TLN2: variants seen among roughly 807,000 people sequenced by gnomAD.
TLN2 encodes talin 2.
In TLN2, 118 loss-of-function variants were observed where a neutral mutation model predicts 294.7. The observed-to-expected ratio is 0.40, with a 90% CI of 0.34 to 0.47. The LOEUF is 0.47. Ranked by LOEUF, TLN2 falls within the 20% of genes least tolerant of loss-of-function variation. The pLI is 0.84. For synonymous variants in TLN2, 1,431 were observed against 1,304.5 expected (o/e 1.10, Z -2.09); for missense variants, 3,083 against 3,282.2 (o/e 0.94, Z 1.48).
intron 3 of TLN2, among the ~76,000 whole-genome samples, chr15:62,643,091 T>C (rs4491455): frequency 0.051 from 7,771 of 152,250 alleles, 638 homozygotes; most frequent in African/African-American, 0.18. Flanking sequence ...TTGTTGTGAG[T>C]GGTGCTAGAA....
At chr15:62,492,565 A>G (rs1031161170) in intron 1 of TLN2, among the ~76,000 whole-genome samples, 37 of 151,220 alleles carry the variant, frequency 2.4e-4, no homozygotes, top group Non-Finnish European at 4.7e-4. Flanking sequence ...AAAAAAGAAA[A>G]AAAGAAAAAA....
rs117233280 is a variant in TLN2 at position 62,583,199 on chromosome 15, G to C, written c.-237-6488G>C. 1.4e-4 allele frequency among the ~76,000 whole-genome samples: 22 copies of C among 152,282 alleles called. No individual in the cohort carries two copies. The East Asian group carries it at 2.5e-3, about 17-fold the overall frequency. On this transcript the variant is annotated intron_variant, in intron 1 of 58. Coordinates refer to ENST00000636159, the MANE Select transcript of TLN2 (RefSeq NM_015059.3). The stretch of plus-strand genomic sequence containing the variant: ...AATTTAATAGTATAGGATATTTCTT[G>C]ATACCCATATTCCATGGCCAGTTGC...
intron 49 of TLN2, 57 bp from the exon 50 acceptor site, chr15:62,800,596 G>A: frequency 6.2e-7 from 1 of 1,610,618 alleles, no homozygotes; most frequent in Non-Finnish European, 8.5e-7. Context: ...AGTAAAAGGA[G>A]TAGGGGCTGG....
In TLN2 at chr15:62,738,278, T is replaced by C. The variant is rs1293669649; in HGVS notation, c.3632T>C (p.Val1211Ala). The change falls in exon 30 of 59, where the codon GTG (valine) becomes GCG (alanine). Residue 1211 changes from valine to alanine, a missense_variant. By Grantham distance (64) the Val-to-Ala change is moderately conservative. Coordinates refer to ENST00000636159, the MANE Select transcript of TLN2 (RefSeq NM_015059.3). ...CVNCLPGQKDVDVALKSIGES... is the reference protein window; with the variant it reads ...CVNCLPGQKDADVALKSIGES... ...AATTGCCTCCCTGGGCAGAAGGATG[T>C]GGACGTGGCCTTGAAGAGCATCGGG... is the stretch of plus-strand genomic sequence containing the variant. 1.9e-6 allele frequency: 3 copies of C among 1,614,206 alleles called. No homozygotes were observed. Among genetic ancestry groups the C allele is most frequent in the Non-Finnish European group, 2.5e-6 (3 of 1,180,024 alleles).
At chr15:62,652,334 G>A (rs10851716) in intron 6 of TLN2, among the ~76,000 whole-genome samples, 200 bp downstream of exon 6, 3 of 151,976 alleles carry the variant, frequency 2.0e-5, no homozygotes, top group South Asian at 2.1e-4. Context: ...AAGTCACAAC[G>A]GAGGGCTTTC....
intron 9 of TLN2, chr15:62,658,195 A>AAC (rs2053435644): frequency 7.4e-6 from 2 of 269,752 alleles, no homozygotes; most frequent in Non-Finnish European, 1.4e-5. Flanking sequence ...CAAAAAAAAA[A>AAC]CCGCTCCAGT....
chr15:62,742,600 G>A (rs959884873), intron 32 of TLN2, among the ~76,000 whole-genome samples: 1 of 152,014 alleles, frequency 6.6e-6, no homozygotes, highest in Non-Finnish European at 1.5e-5. Flanking sequence ...CCCTGGTGGT[G>A]GCTTCGAAGA....
chr15:62,722,800 G>C (rs1382384034), intron 26 of TLN2, among the ~76,000 whole-genome samples: 1 of 152,198 alleles, frequency 6.6e-6, no homozygotes, highest in Non-Finnish European at 1.5e-5. Context: ...AGGGGAGAAT[G>C]GTAGTCATCA....
intron 2 of TLN2, among the ~76,000 whole-genome samples, chr15:62,604,759 G>A (rs1246188832): frequency 6.7e-6 from 1 of 150,196 alleles, no homozygotes; most frequent in East Asian, 2.0e-4. Flanking sequence ...CTCATATTAT[G>A]CGATAAGGGA....
intron 13 of TLN2, 151 bp from the exon 14 acceptor site, chr15:62,694,165 C>G (rs1483018945): frequency 1.8e-6 from 1 of 556,706 alleles, no homozygotes; most frequent in African/African-American, 1.9e-5. Context: ...TTATTAGAGA[C>G]GGGGTCTCAC....
At chr15:62,720,531 C>G (rs1034900617) in intron 25 of TLN2, among the ~76,000 whole-genome samples, 4 of 152,008 alleles carry the variant, frequency 2.6e-5, no homozygotes, top group Admixed American at 2.6e-4. Context: ...AGTTGTAGGA[C>G]CCAGTGATAC....
chr15:62,739,126 G>A (rs2140963525), intron 30 of TLN2, among the ~76,000 whole-genome samples: 1 of 152,284 alleles, frequency 6.6e-6, no homozygotes, highest in East Asian at 1.9e-4. Flanking sequence ...GATCCACAGT[G>A]TCTAGCACTG....
chr15:62,602,659 A>G (rs1393530551), intron 2 of TLN2, among the ~76,000 whole-genome samples: 2 of 151,734 alleles, frequency 1.3e-5, no homozygotes, highest in Non-Finnish European at 2.9e-5. Context: ...TGGTTTACAG[A>G]TGCAGCCGCC....
chr15:62,774,543 G>C (rs1435034238), intron 42 of TLN2, among the ~76,000 whole-genome samples: 1 of 152,186 alleles, frequency 6.6e-6, no homozygotes, highest in African/African-American at 2.4e-5. Flanking sequence ...CTTGCCTTTG[G>C]TGTTCAGAAG....
intron 1 of TLN2, among the ~76,000 whole-genome samples, chr15:62,558,479 C>T (rs2042729485): frequency 6.6e-6 from 1 of 152,158 alleles, no homozygotes; most frequent in Non-Finnish European, 1.5e-5. Context: ...TCATTTTCTT[C>T]TTCAACCTTC....
At chr15:62,807,288 G>A (rs1050148552) in intron 51 of TLN2, among the ~76,000 whole-genome samples, 3 of 152,104 alleles carry the variant, frequency 2.0e-5, no homozygotes, top group African/African-American at 4.8e-5. Flanking sequence ...CAAAATTTTC[G>A]AAGAGCTGTC....
At chr15:62,513,288 G>C (rs2040022587) in intron 1 of TLN2, among the ~76,000 whole-genome samples, 1 of 152,172 alleles carries the variant, frequency 6.6e-6, no homozygotes, top group African/African-American at 2.4e-5. Flanking sequence ...CCTGTTGCCA[G>C]ATGTTGAGGG....
At chr15:62,738,361 C>T (rs772661973) in intron 30 of TLN2, 28 bp downstream of exon 30, 7 of 1,612,474 alleles carry the variant, frequency 4.3e-6, no homozygotes, top group Non-Finnish European at 5.9e-6. Flanking sequence ...TGAGAAAGGA[C>T]ACTGGGGGAC....
At chr15:62,533,771 A>C (rs2041183279) in intron 1 of TLN2, among the ~76,000 whole-genome samples, 1 of 152,076 alleles carries the variant, frequency 6.6e-6, no homozygotes, top group African/African-American at 2.4e-5. Context: ...TTGGCTAAGG[A>C]GAGAAGTTGG....
Sources: allele counts gnomAD v4.1 joint callset (sites outside exome capture counted in the v4.1 genomes callset), GRCh38; gene constraint gnomAD v4.1.1; transcripts MANE v1.5; gene names NCBI Gene and HGNC (gene_info 2026-07-23, HGNC 2026-07-21).